ADAM2: variants seen among roughly 807,000 people sequenced by gnomAD.
The protein encoded by ADAM2 is disintegrin and metalloproteinase domain-containing protein 2.
A neutral mutation model predicts 99.3 loss-of-function variants in ADAM2; 101 were observed. The observed-to-expected ratio is 1.02, with a 90% CI of 0.87 to 1.20. ADAM2 has a LOEUF of 1.20. ADAM2 is among the 50% of genes most tolerant of loss of function. ADAM2 has a pLI of 0.00. For synonymous variants in ADAM2, 323 were observed against 287.6 expected, an observed-to-expected ratio of 1.12 and a Z score of -1.25; for missense variants, 948 against 878.7, an observed-to-expected ratio of 1.08 and a Z score of -1.00.
intron 10 of ADAM2, among the ~76,000 whole-genome samples, chr8:39,778,390 T>C (rs1284167139): frequency 6.6e-6 from 1 of 152,010 alleles, no homozygotes; most frequent in East Asian, 1.9e-4. Flanking sequence ...GAGAAGAGAA[T>C]GAGATGTGAA....
At chr8:39,807,863 C>T (rs1249991344) in intron 7 of ADAM2, among the ~76,000 whole-genome samples, 1 of 151,996 alleles carries the variant, frequency 6.6e-6, no homozygotes. Flanking sequence ...ATATAATGAC[C>T]AAAAATTCCC....
At chr8:39,749,808 G>T in intron 16 of ADAM2, 64 bp from the exon 17 acceptor site, 1 of 1,254,256 alleles carries the variant, frequency 8.0e-7, no homozygotes, top group Non-Finnish European at 1.2e-6. Flanking sequence ...TTAATTAAAA[G>T]CATTCCATAC....
intron 6 of ADAM2, among the ~76,000 whole-genome samples, chr8:39,814,143 A>C (rs1490027657): frequency 6.6e-6 from 1 of 152,012 alleles, no homozygotes; most frequent in African/African-American, 2.4e-5. Flanking sequence ...GGATCACTTG[A>C]GGCCAAGAGT....
chr8:39,791,575 C>A (rs1803716724), intron 7 of ADAM2, among the ~76,000 whole-genome samples: 1 of 151,994 alleles, frequency 6.6e-6, no homozygotes, highest in African/African-American at 2.4e-5. Flanking sequence ...CCTTCCTCAC[C>A]AAACCCAGAA....
In ADAM2 at chr8:39,766,969, A is replaced by C; in HGVS notation, c.1386T>G (p.Ser462=). ...CATAGTGGTTTTCTGGGCATGATGCAGATGATCCATTGCAATATTCAGGGA... is the reference window on the plus strand; with the variant it reads ...CATAGTGGTTTTCTGGGCATGATGCCGATGATCCATTGCAATATTCAGGGA... The part of the protein sequence containing the change: ...CDLPEYCNGS[S]ASCPENHYVQ... The change falls in exon 14 of 21, where the codon TCT becomes TCG. Residue 462 remains serine (S), a synonymous_variant. Transcript: ENST00000265708. 1 of 1,614,224 alleles carries C rather than the reference A, an allele frequency of 6.2e-7. No homozygotes were observed. Among genetic ancestry groups the C allele is most frequent in the Non-Finnish European group, 8.5e-7 (1 of 1,180,040 alleles).
At chr8:39,822,268 C>G (rs1436191539) in intron 4 of ADAM2, among the ~76,000 whole-genome samples, 1 of 152,108 alleles carries the variant, frequency 6.6e-6, no homozygotes, top group Non-Finnish European at 1.5e-5. Flanking sequence ...CAGCTTTTAT[C>G]TTCTTCCTTC....
At chr8:39,754,072 A>G (rs923541670) in intron 16 of ADAM2, among the ~76,000 whole-genome samples, 1 of 152,134 alleles carries the variant, frequency 6.6e-6, no homozygotes, top group African/African-American at 2.4e-5. Flanking sequence ...TAGTTTCTCA[A>G]ATACATGGTT....
Position 39,838,158 on chromosome 8 carries a change from C to T in ADAM2, c.28G>A (p.Gly10Arg), listed in dbSNP as rs34800519. Residue 10 changes from glycine (G) to arginine (R), a missense_variant, in exon 1 of 21, where the codon GGG (glycine) becomes AGG (arginine). By Grantham distance (125) the Gly-to-Arg change is moderately radical. Coordinates refer to ENST00000265708, the MANE Select transcript of ADAM2 (RefSeq NM_001464.5). MWRVLFLLS[G>R]LGGLRMDSNF... Reference sequence around the variant, plus strand: ...CTGTCCATCCGCAGCCCGCCGAGCCCGCTGAGCAGAAACAAGACGCGCCAC... The same window carrying T: ...CTGTCCATCCGCAGCCCGCCGAGCCTGCTGAGCAGAAACAAGACGCGCCAC... 2.5e-6 allele frequency: 4 copies of T among 1,613,984 alleles called. No individual in the cohort carries two copies. Among genetic ancestry groups the T allele is most frequent in the Non-Finnish European group, 2.5e-6 (3 of 1,180,036 alleles).
intron 6 of ADAM2, among the ~76,000 whole-genome samples, chr8:39,815,800 G>T (rs1395976541): frequency 6.6e-6 from 1 of 152,066 alleles, no homozygotes; most frequent in Non-Finnish European, 1.5e-5. Flanking sequence ...AATGAGAAAA[G>T]ATATGAATTA....
intron 7 of ADAM2, among the ~76,000 whole-genome samples, chr8:39,792,867 G>C (rs1335514675): frequency 6.6e-6 from 1 of 151,986 alleles, no homozygotes; most frequent in Non-Finnish European, 1.5e-5. Context: ...TGCCCTCCGT[G>C]GTAATAGGTT....
chr8:39,751,942 C>T (rs1277313556), intron 16 of ADAM2, among the ~76,000 whole-genome samples: 4 of 152,044 alleles, frequency 2.6e-5, no homozygotes, highest in Non-Finnish European at 4.4e-5. Context: ...AAGCAATTCT[C>T]GTGCCTCAGC....
At chr8:39,786,925 CTG>C (rs760913007) in intron 10 of ADAM2, 47 bp downstream of exon 10, 1 of 1,306,454 alleles carries the variant, frequency 7.7e-7, no homozygotes, top group Non-Finnish European at 1.1e-6. Context: ...AAATGTGTAA[CTG>C]TATACTAATT....
At chr8:39,796,672 T>C (rs1425618306) in intron 7 of ADAM2, among the ~76,000 whole-genome samples, 2 of 152,222 alleles carry the variant, frequency 1.3e-5, no homozygotes, top group Non-Finnish European at 2.9e-5. Context: ...TGTAAAAGTG[T>C]TCCTATCTCT....
At chr8:39,750,016 A>G (rs1252618394) in intron 16 of ADAM2, among the ~76,000 whole-genome samples, 1 of 152,134 alleles carries the variant, frequency 6.6e-6, no homozygotes. Flanking sequence ...TGAAATGAGT[A>G]AAACACAAAT....
chr8:39,749,956 A>G (rs1369314860), intron 16 of ADAM2, among the ~76,000 whole-genome samples: 1 of 152,138 alleles, frequency 6.6e-6, no homozygotes, highest in Non-Finnish European at 1.5e-5. Context: ...GGAGTAAACA[A>G]AACAATAACA....
intron 16 of ADAM2, among the ~76,000 whole-genome samples, chr8:39,751,000 A>G (rs1221241843): frequency 1.3e-5 from 2 of 152,190 alleles, no homozygotes; most frequent in Non-Finnish European, 2.9e-5. Flanking sequence ...CTCTTATAAT[A>G]TAGGATCATA....
At chr8:39,813,271 C>T (rs921254234) in intron 6 of ADAM2, among the ~76,000 whole-genome samples, 3 of 152,172 alleles carry the variant, frequency 2.0e-5, no homozygotes, top group Non-Finnish European at 2.9e-5. Flanking sequence ...CAGGAAACAA[C>T]AGGTGCTGGA....
chr8:39,781,716 A>G (rs888782650), intron 10 of ADAM2, among the ~76,000 whole-genome samples: 1 of 152,196 alleles, frequency 6.6e-6, no homozygotes, highest in African/African-American at 2.4e-5. Context: ...GTTTTGTTGA[A>G]ATTGCAAGCT....
intron 7 of ADAM2, among the ~76,000 whole-genome samples, chr8:39,798,211 C>T (rs563686635): frequency 1.3e-5 from 2 of 152,232 alleles, no homozygotes; most frequent in East Asian, 1.9e-4. Context: ...GAGATATATT[C>T]CATCAATACC....
Sources: allele counts gnomAD v4.1 joint callset (sites outside exome capture counted in the v4.1 genomes callset), GRCh38; gene constraint gnomAD v4.1.1; transcripts MANE v1.5; gene names NCBI Gene and HGNC (gene_info 2026-07-23, HGNC 2026-07-21).